The following DNAJC16 variants were observed in gnomAD, a reference collection of about 807,000 sequenced individuals.
DNAJC16 encodes the protein dnaJ homolog subfamily C member 16.
Under a neutral mutation model 92.7 loss-of-function variants are expected in DNAJC16, and 76 were observed. The ratio of observed to expected loss-of-function variants is 0.82; its 90% CI spans 0.68 to 0.99. The LOEUF (loss-of-function observed/expected upper bound fraction) is 0.99, where lower values mean the gene tolerates loss of function less well. Among genes scored for constraint, DNAJC16 ranks in the 50% least tolerant of loss-of-function variants. The probability of loss-of-function intolerance (pLI) is 0.00; values close to 1 mark genes in which losing one functional copy is unlikely to be tolerated. For synonymous variants in DNAJC16, 328 were observed against 358.7 expected, an observed-to-expected ratio of 0.91 and a Z score of 0.97; for missense variants, 869 against 942.4, an observed-to-expected ratio of 0.92 and a Z score of 1.02.
At chr1:15,528,456 CATATTACT>C (rs922147206) in intron 1 of DNAJC16, among the ~76,000 whole-genome samples, 4 of 151,888 alleles carry the variant, frequency 2.6e-5, no homozygotes, top group Non-Finnish European at 5.9e-5. Context: ...AAAAAAACAC[CATATTACT>C]AATGATTAAA....
chr1:15,542,968 T>G (rs1321099201), intron 4 of DNAJC16, among the ~76,000 whole-genome samples: 2 of 152,184 alleles, frequency 1.3e-5, no homozygotes, highest in African/African-American at 2.4e-5. Context: ...GTGTTGAGTG[T>G]GAGTAGGAAA....
At chr1:15,546,114 G>A (rs766481305) in intron 5 of DNAJC16, among the ~76,000 whole-genome samples, 13 of 152,146 alleles carry the variant, frequency 8.5e-5, no homozygotes, top group Admixed American at 8.5e-4. Flanking sequence ...AGACCAGCCT[G>A]GGCAACATAC....
At chr1:15,551,282 T>G (rs1199002107) in intron 7 of DNAJC16, among the ~76,000 whole-genome samples, 1 of 152,218 alleles carries the variant, frequency 6.6e-6, no homozygotes, top group East Asian at 1.9e-4. Flanking sequence ...CTGGGAAGTG[T>G]GCATAAAGCT....
At chr1:15,548,217 A>G (rs1638357508) in intron 6 of DNAJC16, 53 bp from the exon 7 acceptor site, 1 of 1,585,688 alleles carries the variant, frequency 6.3e-7, no homozygotes, top group Non-Finnish European at 8.6e-7. Context: ...TTGATTTGTC[A>G]TTTACATCTT....
intron 9 of DNAJC16, among the ~76,000 whole-genome samples, chr1:15,563,401 T>C (rs539081989): frequency 3.7e-4 from 56 of 152,008 alleles, no homozygotes; most frequent in African/African-American, 1.3e-3. Context: ...GGTGCACACC[T>C]GTCTGTAGTC....
At chr1:15,558,462 T>C (rs1042734934) in intron 7 of DNAJC16, among the ~76,000 whole-genome samples, 1 of 152,114 alleles carries the variant, frequency 6.6e-6, no homozygotes, top group African/African-American at 2.4e-5. Context: ...TCGGGGATTA[T>C]AGGAGTGAGC....
chr1:15,530,339 C>A (rs1710625044), intron 2 of DNAJC16, among the ~76,000 whole-genome samples: 3 of 101,606 alleles, frequency 3.0e-5, no homozygotes, highest in African/African-American at 9.7e-5. Context: ...CAGAGTGAGA[C>A]CCGTCTCAAA....
chr1:15,567,335 T>G (rs1345875905), intron 14 of DNAJC16, 66 bp downstream of exon 14: 20 of 1,515,746 alleles, frequency 1.3e-5, no homozygotes, highest in Admixed American at 1.7e-5. Context: ...ACACTGAAAT[T>G]GCACGCTTTT....
chr1:15,559,460 A>G, intron 7 of DNAJC16, 66 bp from the exon 8 acceptor site: 1 of 1,596,456 alleles, frequency 6.3e-7, no homozygotes. Flanking sequence ...TGGTAAGTAA[A>G]GAAAGCCCAT....
Position 15,556,464 on chromosome 1 carries a change from T to G in DNAJC16, c.1024-3062T>G, listed in dbSNP as rs564333416. 2.6e-5 allele frequency among the ~76,000 whole-genome samples: 4 copies of G among 152,244 alleles called. No individual in the cohort carries two copies. In the East Asian group the frequency reaches 7.7e-4, roughly 29 times the overall value. On this transcript the variant is annotated intron_variant, in intron 7 of 14. Transcript: ENST00000375847. The stretch of plus-strand genomic sequence containing the variant: ...TGTTGGCCAGGCTGGTCTCAGGTGA[T>G]CTGCCCGCCTCGGCCTCCCACTGTG...
At position 15,564,279 on chromosome 1, in the gene DNAJC16, A is replaced by G; in HGVS notation, c.1522-4A>G. ...TGACCATCATCCATTTTCTCTCTAC[A>G]TAGGTTTTTCTCCTTCGATGGTTCT... On this transcript the variant is annotated splice_region_variant and splice_polypyrimidine_tract_variant and intron_variant, in intron 10 of 14. Coordinates refer to ENST00000375847, the MANE Select transcript of DNAJC16 (RefSeq NM_015291.4). 4.4e-6 allele frequency: 7 copies of G among 1,601,140 alleles called. No individual in the cohort carries two copies. The highest frequency in any genetic ancestry group is 5.1e-6 in the Non-Finnish European group (6 of 1,168,258).
At chr1:15,529,309 T>G (rs766226873) in intron 2 of DNAJC16, 37 bp downstream of exon 2, 52 of 1,585,938 alleles carry the variant, frequency 3.3e-5, no homozygotes, top group Non-Finnish European at 4.4e-5. Flanking sequence ...TAACATAAGC[T>G]AAACAGTCTT....
At chr1:15,556,690 C>G (rs1638579786) in intron 7 of DNAJC16, among the ~76,000 whole-genome samples, 1 of 151,808 alleles carries the variant, frequency 6.6e-6, no homozygotes, top group Non-Finnish European at 1.5e-5. Flanking sequence ...CATTTTATTT[C>G]TTTTTCTGAC....
chr1:15,527,914 C>G (rs1710557897), intron 1 of DNAJC16, among the ~76,000 whole-genome samples: 1 of 152,198 alleles, frequency 6.6e-6, no homozygotes, highest in Non-Finnish European at 1.5e-5. Context: ...TAACAGCAAT[C>G]ATAATTGTGG....
At chr1:15,540,526 C>T (rs1710909345) in intron 4 of DNAJC16, among the ~76,000 whole-genome samples, 3 of 152,102 alleles carry the variant, frequency 2.0e-5, no homozygotes, top group African/African-American at 4.8e-5. Context: ...ATCCCATCAC[C>T]GTCACTTGCC....
At chr1:15,561,127 A>G (rs1299587445) in intron 8 of DNAJC16, among the ~76,000 whole-genome samples, 1 of 146,418 alleles carries the variant, frequency 6.8e-6, no homozygotes, top group Non-Finnish European at 1.5e-5. Context: ...TTTTTTTAAT[A>G]TATAGCACTT....
chr1:15,566,941 C>A, intron 13 of DNAJC16, 158 bp from the exon 14 acceptor site: 2 of 598,984 alleles, frequency 3.3e-6, no homozygotes, highest in Non-Finnish European at 5.6e-6. Context: ...ATTACCAAGT[C>A]AGGCCATCCC....
chr1:15,530,177 G>A (rs1272220757), intron 2 of DNAJC16, among the ~76,000 whole-genome samples: 1 of 151,772 alleles, frequency 6.6e-6, no homozygotes, highest in African/African-American at 2.4e-5. Context: ...AGCACTTTGG[G>A]AGGCTGAGGT....
intron 7 of DNAJC16, among the ~76,000 whole-genome samples, chr1:15,552,527 A>T (rs564852614): frequency 3.9e-5 from 6 of 152,200 alleles, no homozygotes; most frequent in Non-Finnish European, 7.4e-5. Context: ...CAGTGGACCA[A>T]TATTCACATA....
Sources: allele counts gnomAD v4.1 joint callset (sites outside exome capture counted in the v4.1 genomes callset), GRCh38; gene constraint gnomAD v4.1.1; transcripts MANE v1.5; gene names NCBI Gene and HGNC (gene_info 2026-07-23, HGNC 2026-07-21).